Variants in TBPL2 observed in about 807,000 individuals in gnomAD.
TBPL2 encodes TATA box-binding protein-like 2.
In TBPL2, 40 loss-of-function variants were observed where a neutral mutation model predicts 38.2. The ratio of observed to expected loss-of-function variants is 1.05; its 90% CI spans 0.81 to 1.36. TBPL2 has a LOEUF of 1.36. Ranked by LOEUF, TBPL2 falls within the 40% of genes most tolerant of loss-of-function variation. The pLI, the probability that TBPL2 is intolerant of heterozygous loss-of-function variation, is 0.00. For synonymous variants in TBPL2, 169 were observed against 171.7 expected (o/e 0.98, Z 0.12); for missense variants, 461 against 456.7 (o/e 1.01, Z -0.09).
At chr14:55,427,773 A>T (rs1337831800) in intron 5 of TBPL2, among the ~76,000 whole-genome samples, 1 of 151,944 alleles carries the variant, frequency 6.6e-6, no homozygotes, top group Non-Finnish European at 1.5e-5. Flanking sequence ...AAGGCTAGAG[A>T]TATTCCCTAG....
chr14:55,414,223 T>G (rs934087557), exon 7 of TBPL2: 46 of 598,090 alleles, frequency 7.7e-5, no homozygotes, highest in Middle Eastern at 3.6e-4. Flanking sequence ...TGAATAAGAA[T>G]TTTTCTTCGT....
chr14:55,424,618 A>C (rs759465929), intron 5 of TBPL2, among the ~76,000 whole-genome samples: 3 of 152,204 alleles, frequency 2.0e-5, no homozygotes, highest in African/African-American at 2.4e-5. Flanking sequence ...TGGGTTTCCA[A>C]ATTCTCCAAT....
chr14:55,428,837 C>T (rs202212848), exon 5 of TBPL2: 2 of 1,614,192 alleles, frequency 1.2e-6, no homozygotes, highest in African/African-American at 1.3e-5. Flanking sequence ...TAGCACCAAA[C>T]CTTCCAGCCT....
At position 55,433,630 on chromosome 14, in the gene TBPL2, C is replaced by CT; in HGVS notation, c.787dup (p.Ser263LysfsTer2). ...GGGGTGGAGGGATGATTCCTCATAC[C>CT]TTTTGGCTCCCGTGCAGACCATCTT... On this transcript the variant is annotated frameshift_variant and splice_region_variant, in exon 4 of 7. Coordinates refer to ENST00000247219, the Ensembl canonical transcript of TBPL2. LOFTEE classifies it high-confidence loss of function. The CT allele has an allele frequency of 6.2e-7, 1 of 1,613,658 alleles. No individual in the cohort carries two copies. Among genetic ancestry groups the CT allele is most frequent in the Non-Finnish European group, 8.5e-7 (1 of 1,179,750 alleles).
intron 4 of TBPL2, among the ~76,000 whole-genome samples, chr14:55,432,158 A>G (rs1035589047): frequency 6.6e-6 from 1 of 152,106 alleles, no homozygotes; most frequent in South Asian, 2.1e-4. Context: ...CTGTAATCCC[A>G]GCACTTTGGG....
chr14:55,423,846 G>T (rs1366438896), intron 6 of TBPL2, among the ~76,000 whole-genome samples: 1 of 152,156 alleles, frequency 6.6e-6, no homozygotes, highest in Non-Finnish European at 1.5e-5. Context: ...TTAGGACCTT[G>T]TGTGGCCATT....
At position 55,427,880 on chromosome 14, in the gene TBPL2, C is replaced by CTT. The variant is rs551473740; in HGVS notation, c.956+925_956+926dup. Among the ~76,000 whole-genome samples the CTT allele has an allele frequency of 5.6e-4, 73 of 130,864 alleles. 1 individual carries two copies. Among genetic ancestry groups the CTT allele is most frequent in the African/African-American group, 1.3e-3 (46 of 34,840 alleles). 85.9% of individuals were successfully genotyped at this position (130,864 alleles called of 152,430 possible). A position where few individuals can be genotyped will look rare whatever the true frequency, so the allele number is the denominator to read the frequency against. On this transcript the variant is annotated intron_variant, in intron 5 of 6. Coordinates refer to ENST00000247219, the Ensembl canonical transcript of TBPL2. ...ATAGGGGACAAACTAGTTAGGATTG[C>CTT]TTTTTTTTTTTTTTTTTTGAGACGG...
chr14:55,436,415 C>T, intron 2 of TBPL2, 146 bp downstream of exon 2: 1 of 792,886 alleles, frequency 1.3e-6, no homozygotes, highest in Non-Finnish European at 2.0e-6. Context: ...TGTCTAAAGC[C>T]ACAATCCATT....
chr14:55,423,917 T>C (rs1165408435), intron 6 of TBPL2, among the ~76,000 whole-genome samples: 1 of 152,204 alleles, frequency 6.6e-6, no homozygotes, highest in Non-Finnish European at 1.5e-5. Flanking sequence ...TCATGGATAA[T>C]TCTGTAAAAA....
chr14:55,438,442 G>C (rs1333686832), intron 1 of TBPL2, among the ~76,000 whole-genome samples: 2 of 152,146 alleles, frequency 1.3e-5, no homozygotes, highest in Non-Finnish European at 2.9e-5. Flanking sequence ...AAGTGAGATG[G>C]GGACAATGGG....
chr14:55,437,816 T>C lies in TBPL2; in HGVS notation c.151-798A>G, dbSNP rs182677998. On this transcript the variant is annotated intron_variant, in intron 1 of 6. Transcript: ENST00000247219. ...CTAATCAAGACTCACTAAAGACCCA[T>C]GGTTATTCCTTCTAGGCAAAGGCGT... Among the ~76,000 whole-genome samples the C allele has an allele frequency of 1.9e-3, 292 of 152,378 alleles. 2 individuals are homozygous for C. Among genetic ancestry groups the C allele is most frequent in the African/African-American group, 6.8e-3 (281 of 41,598 alleles).
At chr14:55,424,426 T>G (rs1885790014) in intron 5 of TBPL2, among the ~76,000 whole-genome samples, 173 bp from the exon 6 acceptor site, 1 of 152,206 alleles carries the variant, frequency 6.6e-6, no homozygotes, top group Non-Finnish European at 1.5e-5. Context: ...CTAGGTAATA[T>G]CTTATGGAAG....
chr14:55,415,153 T>G (rs1401797505), intron 6 of TBPL2, among the ~76,000 whole-genome samples: 1 of 152,228 alleles, frequency 6.6e-6, no homozygotes, highest in Non-Finnish European at 1.5e-5. Flanking sequence ...CACGTTGTGC[T>G]AAGGGTCATG....
At chr14:55,426,801 G>A (rs374124413) in intron 5 of TBPL2, among the ~76,000 whole-genome samples, 14 of 152,202 alleles carry the variant, frequency 9.2e-5, no homozygotes, top group African/African-American at 1.4e-4. Flanking sequence ...GGCCCACTCC[G>A]TCTGATGTAT....
At chr14:55,433,868 A>C in intron 3 of TBPL2, 147 bp from the exon 4 acceptor site, 1 of 595,874 alleles carries the variant, frequency 1.7e-6, no homozygotes, top group East Asian at 2.8e-5. Context: ...TAAGGTTAAC[A>C]AAAATAATGA....
chr14:55,414,770 C>T (rs1885644464), intron 6 of TBPL2, among the ~76,000 whole-genome samples: 1 of 152,184 alleles, frequency 6.6e-6, no homozygotes, highest in African/African-American at 2.4e-5. Context: ...TCATCAGCAC[C>T]TGCGGGCACT....
At chr14:55,428,698 C>CTTT in intron 5 of TBPL2, 109 bp downstream of exon 5, 8 of 976,138 alleles carry the variant, frequency 8.2e-6, no homozygotes, top group Non-Finnish European at 8.6e-6. Context: ...TGTCCCCCGC[C>CTTT]TTTTTTTTTT....
chr14:55,428,246 C>G (rs1284084127), intron 5 of TBPL2, among the ~76,000 whole-genome samples: 3 of 147,490 alleles, frequency 2.0e-5, no homozygotes. Flanking sequence ...TCTTCTGCCT[C>G]AGCCTCCCGA....
exon 2 of TBPL2, chr14:55,436,774 C>T (rs775987694): frequency 6.2e-7 from 1 of 1,614,098 alleles, no homozygotes; most frequent in African/African-American, 1.3e-5. Flanking sequence ...TGGCAACCTA[C>T]TTTGTGGACT....
Sources: allele counts gnomAD v4.1 joint callset (sites outside exome capture counted in the v4.1 genomes callset), GRCh38; gene constraint gnomAD v4.1.1; transcripts MANE v1.5; gene names NCBI Gene and HGNC (gene_info 2026-07-23, HGNC 2026-07-21).